Variants in ANKS1B observed in about 807,000 individuals in gnomAD.
The protein encoded by ANKS1B is ankyrin repeat and sterile alpha motif domain containing 1B.
A neutral mutation model predicts 148.3 loss-of-function variants in ANKS1B; 36 were observed. That is an observed-to-expected ratio of 0.24 (90% CI 0.19 to 0.32). The LOEUF is 0.32. ANKS1B is among the 10% of genes least tolerant of loss of function. The probability of loss-of-function intolerance (pLI) is 1.00; values close to 1 mark genes in which losing one functional copy is unlikely to be tolerated. For synonymous variants in ANKS1B, 542 were observed against 560.8 expected, an observed-to-expected ratio of 0.97 and a Z score of 0.47; for missense variants, 1,157 against 1,542.6, an observed-to-expected ratio of 0.75 and a Z score of 4.19.
chr12:99,495,812 T>G (rs568049824), intron 10 of ANKS1B, among the ~76,000 whole-genome samples: 2 of 152,354 alleles, frequency 1.3e-5, no homozygotes, highest in South Asian at 2.1e-4. Context: ...CAGTCTGAAT[T>G]CATTTAATTT....
intron 9 of ANKS1B, among the ~76,000 whole-genome samples, chr12:99,580,835 A>T (rs754583275): frequency 2.6e-5 from 4 of 152,196 alleles, no homozygotes; most frequent in Non-Finnish European, 5.9e-5. Context: ...GTTTGCATGT[A>T]CCAATGTGCC....
At chr12:99,866,438 A>G (rs757933832) in intron 1 of ANKS1B, among the ~76,000 whole-genome samples, 1 of 151,770 alleles carries the variant, frequency 6.6e-6, no homozygotes, top group Non-Finnish European at 1.5e-5. Context: ...CTCTATTCCC[A>G]CTGTTTCCTG....
At chr12:98,831,736 T>G (rs142977999) in intron 18 of ANKS1B, 41 of 324,214 alleles carry the variant, frequency 1.3e-4, no homozygotes, top group African/African-American at 7.3e-4. Flanking sequence ...AGTGCACGTT[T>G]ATAAAACCTA....
intron 12 of ANKS1B, among the ~76,000 whole-genome samples, chr12:99,346,590 A>G (rs1357934231): frequency 1.3e-5 from 2 of 151,864 alleles, no homozygotes; most frequent in East Asian, 3.9e-4. Flanking sequence ...CAATAGCCTT[A>G]CTCTCCACTG....
intron 1 of ANKS1B, among the ~76,000 whole-genome samples, chr12:99,873,360 C>T (rs1322008375): frequency 6.6e-6 from 1 of 152,122 alleles, no homozygotes; most frequent in Non-Finnish European, 1.5e-5. Context: ...TCGATTCTTT[C>T]AAAGAAGAAT....
intron 1 of ANKS1B, among the ~76,000 whole-genome samples, chr12:99,937,012 A>G (rs1227703775): frequency 6.6e-6 from 1 of 152,190 alleles, no homozygotes; most frequent in Non-Finnish European, 1.5e-5. Flanking sequence ...ACAACCACAT[A>G]TGGATACAGT....
intron 17 of ANKS1B, among the ~76,000 whole-genome samples, chr12:98,964,894 A>G (rs938686980): frequency 6.6e-6 from 1 of 152,342 alleles, no homozygotes; most frequent in African/African-American, 2.4e-5. Flanking sequence ...TTTAGAATTA[A>G]TAAGATCTAG....
At chr12:99,886,089 T>A (rs1446823409) in intron 1 of ANKS1B, among the ~76,000 whole-genome samples, 2 of 152,212 alleles carry the variant, frequency 1.3e-5, no homozygotes, top group Admixed American at 6.5e-5. Context: ...GTATTTTTTT[T>A]ATAGAGAGGT....
intron 25 of ANKS1B, among the ~76,000 whole-genome samples, chr12:98,752,855 T>C (rs1167643270): frequency 6.6e-6 from 1 of 152,210 alleles, no homozygotes; most frequent in East Asian, 1.9e-4. Context: ...GAGGTGTTCC[T>C]GAGAAGTTTG....
chr12:99,737,847 C>G (rs1161490247), intron 8 of ANKS1B, among the ~76,000 whole-genome samples: 1 of 151,890 alleles, frequency 6.6e-6, no homozygotes, highest in African/African-American at 2.4e-5. Context: ...CAATCTTGTC[C>G]CTTCTGATCA....
intron 17 of ANKS1B, among the ~76,000 whole-genome samples, chr12:99,052,909 A>G (rs558732385): frequency 6.6e-6 from 1 of 152,226 alleles, no homozygotes; most frequent in South Asian, 2.1e-4. Flanking sequence ...AAAAAGGAGA[A>G]CACAAAAATG....
intron 15 of ANKS1B, among the ~76,000 whole-genome samples, chr12:99,088,536 G>A (rs1211718820): frequency 6.6e-6 from 1 of 152,010 alleles, no homozygotes; most frequent in Non-Finnish European, 1.5e-5. Flanking sequence ...AGTGATTAAA[G>A]AGAAATTCAA....
chr12:99,031,557 T>C (rs921279792), intron 17 of ANKS1B, among the ~76,000 whole-genome samples: 4 of 152,254 alleles, frequency 2.6e-5, no homozygotes, highest in Non-Finnish European at 5.9e-5. Flanking sequence ...GGAAAGATAC[T>C]GGAAGAACTT....
At chr12:99,155,475 T>C (rs761592552) in intron 14 of ANKS1B, among the ~76,000 whole-genome samples, 19 of 152,154 alleles carry the variant, frequency 1.2e-4, no homozygotes, top group Admixed American at 2.6e-4. Flanking sequence ...CCCTCTGATA[T>C]TTATAACCCA....
chr12:98,843,591 C>A (rs919349314), intron 17 of ANKS1B, among the ~76,000 whole-genome samples: 14 of 152,192 alleles, frequency 9.2e-5, no homozygotes, highest in African/African-American at 3.4e-4. Context: ...AACAAAGCGA[C>A]TGGAGTCAGA....
intron 15 of ANKS1B, among the ~76,000 whole-genome samples, chr12:99,130,213 C>T (rs1419259194): frequency 6.6e-6 from 1 of 152,128 alleles, no homozygotes; most frequent in Non-Finnish European, 1.5e-5. Context: ...GCAATTTCTT[C>T]CACTTTTATT....
intron 12 of ANKS1B, among the ~76,000 whole-genome samples, chr12:99,273,738 G>T (rs568044157): frequency 6.6e-6 from 1 of 150,448 alleles, no homozygotes; most frequent in Non-Finnish European, 1.5e-5. Context: ...CACCACACCC[G>T]GCTAATTTTT....
At chr12:99,776,664 T>G (rs535665096) in intron 6 of ANKS1B, among the ~76,000 whole-genome samples, 71 of 127,444 alleles carry the variant, frequency 5.6e-4, no homozygotes, top group Middle Eastern at 3.9e-3. Flanking sequence ...AATCCTAGGG[T>G]TTTTTTTGTT....
At chr12:99,306,032 C>T (rs1432866701) in intron 12 of ANKS1B, among the ~76,000 whole-genome samples, 1 of 152,038 alleles carries the variant, frequency 6.6e-6, no homozygotes, top group South Asian at 2.1e-4. Context: ...TTTGACTATG[C>T]ACAAGAATTT....
Sources: allele counts gnomAD v4.1 joint callset (sites outside exome capture counted in the v4.1 genomes callset), GRCh38; gene constraint gnomAD v4.1.1; transcripts MANE v1.5; gene names NCBI Gene and HGNC (gene_info 2026-07-23, HGNC 2026-07-21).